Variants in SIRPB1 observed in about 807,000 individuals in gnomAD.
The protein encoded by SIRPB1 is signal-regulatory protein beta-1.
Under a neutral mutation model 34.1 loss-of-function variants are expected in SIRPB1, and 28 were observed. The observed-to-expected ratio is 0.82, with a 90% CI of 0.61 to 1.12. The LOEUF is 1.12. SIRPB1 is among the 50% of genes most tolerant of loss of function. The probability of loss-of-function intolerance (pLI) is 0.00; values close to 1 mark genes in which losing one functional copy is unlikely to be tolerated. For missense variants in SIRPB1, 499 were observed against 507.0 expected, an observed-to-expected ratio of 0.98 and a Z score of 0.15; for synonymous variants, 211 against 203.8, an observed-to-expected ratio of 1.04 and a Z score of -0.30.
At chr20:1,579,540 C>T (rs1280136126) in intron 1 of SIRPB1, among the ~76,000 whole-genome samples, 4 of 148,770 alleles carry the variant, frequency 2.7e-5, no homozygotes, top group East Asian at 1.9e-4. Context: ...CCTGCTCCAT[C>T]GCCTGGATGC....
At chr20:1,569,454 G>T (rs889714528) in intron 4 of SIRPB1, among the ~76,000 whole-genome samples, 1 of 152,234 alleles carries the variant, frequency 6.6e-6, no homozygotes, top group Non-Finnish European at 1.5e-5. Flanking sequence ...ATCCCTCAAT[G>T]TGCAACTGCA....
intron 2 of SIRPB1, among the ~76,000 whole-genome samples, chr20:1,576,130 C>T (rs1472995414): frequency 6.9e-6 from 1 of 145,946 alleles, no homozygotes; most frequent in African/African-American, 2.5e-5. Context: ...TAGGAGTGAG[C>T]AGATCTGAGT....
chr20:1,565,713 C>T (rs2091119213), intron 5 of SIRPB1, among the ~76,000 whole-genome samples: 1 of 150,768 alleles, frequency 6.6e-6, no homozygotes. Flanking sequence ...CCCCGCTTTC[C>T]ACTCAAGCAC....
At chr20:1,576,411 GT>G (rs918560094) in intron 2 of SIRPB1, among the ~76,000 whole-genome samples, 2 of 147,904 alleles carry the variant, frequency 1.4e-5, no homozygotes, top group African/African-American at 4.9e-5. Flanking sequence ...TGGAGGTTCT[GT>G]TTTTTTGCCT....
rs1038618621 is a variant in SIRPB1 at position 1,584,702 on chromosome 20, C to G, written c.77-6008G>C. 3.4e-4 allele frequency among the ~76,000 whole-genome samples: 17 copies of G among 49,324 alleles called. 7 individuals are homozygous for G. Among genetic ancestry groups the G allele is most frequent in the South Asian group, 2.8e-3 (4 of 1,408 alleles). The allele number at this position is 49,324 out of a possible 152,430, so 32.4% of individuals were successfully genotyped here. On this transcript the variant is annotated intron_variant, in intron 1 of 5. Transcript: ENST00000381605. ...TACTACCCAAAGAGATCTACAGATT[C>G]AATTCAATGTCAGTAAAATTTCAAT...
In SIRPB1 at chr20:1,590,369, C is replaced by G. The variant is rs2091438025; in HGVS notation, c.77-11675G>C. Among the ~76,000 whole-genome samples the G allele has an allele frequency of 4.0e-5, 2 of 49,532 alleles. 1 individual carries two copies. The highest frequency in any genetic ancestry group is 7.8e-5 in the Non-Finnish European group (2 of 25,598). The allele number at this position is 49,532 out of a possible 152,430, so 32.5% of individuals were successfully genotyped here. On this transcript the variant is annotated intron_variant, in intron 1 of 5. Transcript: ENST00000381605. Reference sequence around the variant, plus strand: ...TTATATTATTCCGTGTCAAATTACACTTAAAAACAAGACAATAGTCTTTAT... The same window carrying G: ...TTATATTATTCCGTGTCAAATTACAGTTAAAAACAAGACAATAGTCTTTAT...
chr20:1,569,452 A>G (rs1412361913), intron 4 of SIRPB1, among the ~76,000 whole-genome samples: 3 of 152,348 alleles, frequency 2.0e-5, no homozygotes, highest in East Asian at 3.9e-4. Context: ...TGATCCCTCA[A>G]TGTGCAACTG....
At position 1,566,286 on chromosome 20, in the gene SIRPB1, G is replaced by C; in HGVS notation, c.1085-19C>G. 6.5e-7 allele frequency: 1 copy of C among 1,539,090 alleles called. No homozygotes were observed. The highest frequency in any genetic ancestry group is 8.9e-7 in the Non-Finnish European group (1 of 1,127,234). On this transcript the variant is annotated intron_variant, in intron 4 of 5. Coordinates refer to ENST00000381605, the MANE Select transcript of SIRPB1 (RefSeq NM_006065.5). ...GCTGCTTCTGGAAATCAGGGAAGAG[G>C]AGGAGCCATGAGAGGGGCCACCTGG... is the stretch of plus-strand genomic sequence containing the variant.
Position 1,592,012 on chromosome 20 carries a change from C to T in SIRPB1, c.77-13318G>A, listed in dbSNP as rs2091443639. Among the ~76,000 whole-genome samples, 6 of 49,228 alleles carry T rather than the reference C, an allele frequency of 1.2e-4. 3 individuals carry two copies. The South Asian group carries it at 4.3e-3, about 36-fold the overall frequency. 32.3% of individuals were successfully genotyped at this position (49,228 alleles called of 152,430 possible). On this transcript the variant is annotated intron_variant, in intron 1 of 5. Coordinates refer to ENST00000381605, the MANE Select transcript of SIRPB1 (RefSeq NM_006065.5). ...TTTAAAAGCGTTTGGCAGTTCCCGC[C>T]TTGCTCTTTCTCTCTCCTGCTGCCA...
intron 2 of SIRPB1, among the ~76,000 whole-genome samples, chr20:1,572,694 T>C (rs542088102): frequency 6.6e-6 from 1 of 152,004 alleles, no homozygotes; most frequent in East Asian, 1.9e-4. Flanking sequence ...TCTTTAGGTA[T>C]TATAAAAATA....
chr20:1,617,261 T>C (rs757126113), intron 1 of SIRPB1, among the ~76,000 whole-genome samples: 3 of 152,162 alleles, frequency 2.0e-5, no homozygotes, highest in Non-Finnish European at 4.4e-5. Context: ...GCAGCATTAT[T>C]TACAATAGCC....
At position 1,566,202 on chromosome 20, in the gene SIRPB1, C is replaced by T. The variant is rs1203069132; in HGVS notation, c.1150G>A (p.Val384Met). 9 of 1,612,522 alleles carry T rather than the reference C, an allele frequency of 5.6e-6. No homozygotes were observed. Among genetic ancestry groups the T allele is most frequent in the Non-Finnish European group, 7.6e-6 (9 of 1,179,382 alleles). The stretch of plus-strand genomic sequence containing the variant: ...ATGTAGATGGCAGAGACACCAACCA[C>T]CAGTAGCAGCTTGGGGCCCAGGAGG... ...ALLLGPKLLL[V>M]VGVSAIYICW... The change falls in exon 5 of 6, where the codon GTG becomes ATG. Residue 384 changes from valine to methionine, a missense_variant. By Grantham distance (21) the Val-to-Met change is conservative (BLOSUM62 1). Coordinates refer to ENST00000381605, the MANE Select transcript of SIRPB1 (RefSeq NM_006065.5).
Position 1,611,649 on chromosome 20 carries a change from T to G in SIRPB1, c.76+8220A>C, listed in dbSNP as rs1219522218. Reference sequence around the variant, plus strand: ...CAGTGCAGTGCAGAGTGGCCGACTCTCCAGCTGCAACTGATATGGACTTGT... The same window carrying G: ...CAGTGCAGTGCAGAGTGGCCGACTCGCCAGCTGCAACTGATATGGACTTGT... On this transcript the variant is annotated intron_variant, in intron 1 of 5. Coordinates refer to ENST00000381605, the MANE Select transcript of SIRPB1 (RefSeq NM_006065.5). The G allele has an allele frequency of 5.6e-6, 7 of 1,254,350 alleles. 2 individuals are homozygous for G. Among genetic ancestry groups the G allele is most frequent in the Non-Finnish European group, 7.5e-6 (7 of 935,234 alleles). The allele number at this position is 1,254,350 out of a possible 1,614,324, so 77.7% of individuals were successfully genotyped here.
chr20:1,583,763 TG>T lies in SIRPB1; in HGVS notation c.77-5070del, dbSNP rs1398274049. ...TGAAGTAGAAAGGAGGGAGAATGAC[TG>T]GGCAACAGAGAAAATCAAACATCTC... On this transcript the variant is annotated intron_variant, in intron 1 of 5. Transcript: ENST00000381605. Among the ~76,000 whole-genome samples, 6 of 47,530 alleles carry T rather than the reference TG, an allele frequency of 1.3e-4. 3 individuals carry two copies. The highest frequency in any genetic ancestry group is 2.4e-4 in the Non-Finnish European group (6 of 25,006). 31.2% of individuals were successfully genotyped at this position (47,530 alleles called of 152,430 possible). A position where few individuals can be genotyped will look rare whatever the true frequency, so the allele number is the denominator to read the frequency against.
chr20:1,619,496 C>T (rs934224392), intron 1 of SIRPB1, among the ~76,000 whole-genome samples: 9 of 152,186 alleles, frequency 5.9e-5, no homozygotes, highest in South Asian at 2.1e-4. Context: ...GAGGGCTGGG[C>T]CTAGAGCCAC....
chr20:1,589,289 G>A lies in SIRPB1; in HGVS notation c.77-10595C>T, dbSNP rs1254537148. Among the ~76,000 whole-genome samples the A allele has an allele frequency of 4.1e-5, 2 of 48,920 alleles. 1 individual carries two copies. Among genetic ancestry groups the A allele is most frequent in the Non-Finnish European group, 7.9e-5 (2 of 25,424 alleles). The allele number at this position is 48,920 out of a possible 152,430, so 32.1% of individuals were successfully genotyped here. A position where few individuals can be genotyped will look rare whatever the true frequency, so the allele number is the denominator to read the frequency against. On this transcript the variant is annotated intron_variant, in intron 1 of 5. Coordinates refer to ENST00000381605, the MANE Select transcript of SIRPB1 (RefSeq NM_006065.5). Reference sequence around the variant, plus strand: ...TCTTCCAGGAGAGGGAGTAGTTTTAGTTTAGTAAGGATCTGTTTTGTCGGG... The same window carrying A: ...TCTTCCAGGAGAGGGAGTAGTTTTAATTTAGTAAGGATCTGTTTTGTCGGG...
chr20:1,613,802 G>A (rs546360722), intron 1 of SIRPB1, among the ~76,000 whole-genome samples: 1 of 152,226 alleles, frequency 6.6e-6, no homozygotes, highest in Non-Finnish European at 1.5e-5. Flanking sequence ...GAGAAAGAGA[G>A]AAAGGAATAG....
Position 1,595,344 on chromosome 20 carries a change from G to T in SIRPB1, c.77-16650C>A, listed in dbSNP as rs1198508611. Among the ~76,000 whole-genome samples, 4 of 48,680 alleles carry T rather than the reference G, an allele frequency of 8.2e-5. 2 individuals are homozygous for T. Among genetic ancestry groups the T allele is most frequent in the Admixed American group, 5.4e-4 (4 of 7,372 alleles). The allele number at this position is 48,680 out of a possible 152,430, so 31.9% of individuals were successfully genotyped here. On this transcript the variant is annotated intron_variant, in intron 1 of 5. Transcript: ENST00000381605. The stretch of plus-strand genomic sequence containing the variant: ...GTCCTATGAGCAGAGAAGGTGGCAG[G>T]GCCTGTCCAGGTGAGCTGGGACACA...
Position 1,605,127 on chromosome 20 carries a change from G to A in SIRPB1, c.76+14742C>T. The A allele has an allele frequency of 3.5e-6, 2 of 576,150 alleles. 1 individual carries two copies. The highest frequency in any genetic ancestry group is 4.7e-6 in the Non-Finnish European group (2 of 427,870). 35.7% of individuals were successfully genotyped at this position (576,150 alleles called of 1,614,324 possible). On this transcript the variant is annotated intron_variant, in intron 1 of 5. Transcript: ENST00000381605. Reference sequence around the variant, plus strand: ...ACAATCACTAACGATAAGTGTGTGAGATGTTAAGAACCTTCTGAGACATTA... The same window carrying A: ...ACAATCACTAACGATAAGTGTGTGAAATGTTAAGAACCTTCTGAGACATTA...
Sources: allele counts gnomAD v4.1 joint callset (sites outside exome capture counted in the v4.1 genomes callset), GRCh38; gene constraint gnomAD v4.1.1; transcripts MANE v1.5; gene names NCBI Gene and HGNC (gene_info 2026-07-23, HGNC 2026-07-21).